The following KCTD8 variants were observed in gnomAD, a reference collection of about 807,000 sequenced individuals.
The protein encoded by KCTD8 is potassium channel tetramerization domain containing 8.
KCTD8 carries 27 observed loss-of-function variants against 31.5 expected under a neutral mutation model. The ratio of observed to expected loss-of-function variants is 0.86; its 90% CI spans 0.63 to 1.18. KCTD8 has a LOEUF of 1.18. KCTD8 is among the 50% of genes most tolerant of loss of function. The pLI is 0.00. For synonymous variants in KCTD8, 290 were observed against 280.0 expected (o/e 1.04, Z -0.36); for missense variants, 658 against 647.7 (o/e 1.02, Z -0.17).
chr4:44,217,628 T>A (rs2109346393), intron 1 of KCTD8, among the ~76,000 whole-genome samples: 1 of 152,100 alleles, frequency 6.6e-6, no homozygotes, highest in East Asian at 1.9e-4. Flanking sequence ...TCAGTGTGAG[T>A]GGGCACCAAC....
At chr4:44,344,398 C>T (rs916263064) in intron 1 of KCTD8, among the ~76,000 whole-genome samples, 10 of 152,100 alleles carry the variant, frequency 6.6e-5, no homozygotes, top group African/African-American at 2.2e-4. Context: ...GTTGCCCAGC[C>T]TGGACTCAAA....
rs542537064 is a variant in KCTD8 at position 44,188,342 on chromosome 4, TA to T, written c.962-13093del. Among the ~76,000 whole-genome samples the T allele has an allele frequency of 2.6e-4, 40 of 152,294 alleles. 1 individual carries two copies. In the East Asian group the frequency reaches 7.5e-3, roughly 29 times the overall value. Reference sequence around the variant, plus strand: ...GGTTTAATTTCATTTCATAGTACAATAAAAAAGTGCCCAGCTTTTGAATAGA... The same window carrying T: ...GGTTTAATTTCATTTCATAGTACAATAAAAAGTGCCCAGCTTTTGAATAGA... On this transcript the variant is annotated intron_variant, in intron 1 of 1. Coordinates refer to ENST00000360029, the MANE Select transcript of KCTD8 (RefSeq NM_198353.3).
intron 1 of KCTD8, among the ~76,000 whole-genome samples, chr4:44,424,704 A>G (rs899137329): frequency 6.6e-6 from 1 of 152,070 alleles, no homozygotes; most frequent in African/African-American, 2.4e-5. Context: ...CATGAAAATG[A>G]TATAAACCCT....
chr4:44,423,381 T>A (rs1481847195), intron 1 of KCTD8, among the ~76,000 whole-genome samples: 1 of 152,112 alleles, frequency 6.6e-6, no homozygotes, highest in Non-Finnish European at 1.5e-5. Context: ...TGCAAAATAA[T>A]CTATTAGTAA....
chr4:44,281,447 A>G lies in KCTD8; in HGVS notation c.962-106197T>C, dbSNP rs112093115. On this transcript the variant is annotated intron_variant, in intron 1 of 1. Coordinates refer to ENST00000360029, the MANE Select transcript of KCTD8 (RefSeq NM_198353.3). ...AAGTCATACATGACTAAAGTATCAG[A>G]GATACTTGCTTCCAACAAATTCTTC... Among the ~76,000 whole-genome samples the G allele has an allele frequency of 4.3e-3, 647 of 152,202 alleles. 3 individuals carry two copies. The highest frequency in any genetic ancestry group is 7.3e-3 in the Non-Finnish European group (499 of 67,994).
intron 1 of KCTD8, among the ~76,000 whole-genome samples, chr4:44,436,723 G>A (rs1478054575): frequency 6.6e-6 from 1 of 152,004 alleles, no homozygotes; most frequent in African/African-American, 2.4e-5. Context: ...ATTAGGAGGT[G>A]TATATGTGGG....
At chr4:44,280,994 A>T (rs185376616) in intron 1 of KCTD8, among the ~76,000 whole-genome samples, 2 of 152,214 alleles carry the variant, frequency 1.3e-5, no homozygotes, top group Admixed American at 6.6e-5. Context: ...TATAAAGATG[A>T]TAAGAGTTTC....
chr4:44,362,905 T>C (rs1719536761), intron 1 of KCTD8, among the ~76,000 whole-genome samples: 1 of 152,096 alleles, frequency 6.6e-6, no homozygotes, highest in Non-Finnish European at 1.5e-5. Flanking sequence ...CAAAATGTTA[T>C]GATATATTTA....
At chr4:44,414,739 A>G (rs771017028) in intron 1 of KCTD8, among the ~76,000 whole-genome samples, 6 of 152,196 alleles carry the variant, frequency 3.9e-5, no homozygotes, top group Non-Finnish European at 7.3e-5. Context: ...TCAAAATCTC[A>G]TATTGGAATG....
rs146390009 is a variant in KCTD8, at chr4:44,201,106, G to A, written c.962-25856C>T. 1.6e-3 allele frequency among the ~76,000 whole-genome samples: 241 copies of A among 151,954 alleles called. 2 individuals are homozygous for A. The East Asian group carries it at 0.028, about 18-fold the overall frequency. ...CCTAGGAATACAGCTAACCAAGAAG[G>A]TGAAAGATCTCTACAAGGAGAACTG... On this transcript the variant is annotated intron_variant, in intron 1 of 1. Coordinates refer to ENST00000360029, the MANE Select transcript of KCTD8 (RefSeq NM_198353.3).
chr4:44,377,464 G>T (rs193165951), intron 1 of KCTD8, among the ~76,000 whole-genome samples: 2 of 152,160 alleles, frequency 1.3e-5, no homozygotes, highest in Non-Finnish European at 2.9e-5. Flanking sequence ...GGCCATTTCT[G>T]GGGGGTAGAA....
chr4:44,421,592 T>C (rs556825890), intron 1 of KCTD8, among the ~76,000 whole-genome samples: 1 of 152,142 alleles, frequency 6.6e-6, no homozygotes, highest in South Asian at 2.1e-4. Context: ...TGACATATAG[T>C]GTATATATTT....
chr4:44,298,369 G>C (rs1189669764), intron 1 of KCTD8, among the ~76,000 whole-genome samples: 1 of 151,606 alleles, frequency 6.6e-6, no homozygotes, highest in Non-Finnish European at 1.5e-5. Context: ...CAAAGTCTCT[G>C]ACTTTTCCTC....
intron 1 of KCTD8, among the ~76,000 whole-genome samples, chr4:44,307,465 T>G (rs1358140854): frequency 1.3e-5 from 2 of 152,034 alleles, no homozygotes; most frequent in Admixed American, 6.6e-5. Flanking sequence ...AAGAGGAATG[T>G]CATTTCTAGA....
At chr4:44,181,507 C>A (rs372188873) in intron 1 of KCTD8, among the ~76,000 whole-genome samples, 5 of 152,188 alleles carry the variant, frequency 3.3e-5, no homozygotes, top group Non-Finnish European at 7.3e-5. Flanking sequence ...CTCGGCCCCC[C>A]GAGGCGCCGG....
chr4:44,366,543 G>C (rs569204027), intron 1 of KCTD8, among the ~76,000 whole-genome samples: 13 of 152,234 alleles, frequency 8.5e-5, no homozygotes, highest in South Asian at 6.2e-4. Flanking sequence ...CTGCAGAATC[G>C]TGAGTCAATT....
chr4:44,294,341 A>T (rs143022658), intron 1 of KCTD8, among the ~76,000 whole-genome samples: 15 of 152,296 alleles, frequency 9.8e-5, no homozygotes, highest in African/African-American at 3.6e-4. Flanking sequence ...CCACCAAAGC[A>T]CTCTTAAGAT....
intron 1 of KCTD8, among the ~76,000 whole-genome samples, chr4:44,424,988 C>A (rs1278092400): frequency 6.6e-6 from 1 of 151,758 alleles, no homozygotes; most frequent in Admixed American, 6.6e-5. Context: ...GGGCCCTAAT[C>A]CAATATGACT....
chr4:44,234,170 A>G (rs1350988940), intron 1 of KCTD8, among the ~76,000 whole-genome samples: 1 of 152,176 alleles, frequency 6.6e-6, no homozygotes, highest in East Asian at 1.9e-4. Flanking sequence ...AAGTTAGGAA[A>G]CTGAGGTGGG....
Sources: gnomAD v4.1 joint callset for allele counts (sites outside exome capture counted in the v4.1 genomes callset) on GRCh38, gnomAD v4.1.1 for gene constraint, MANE v1.5 for transcripts, NCBI Gene and HGNC (gene_info 2026-07-23, HGNC 2026-07-21) for gene names.